The following TP53BP1 variants were observed in gnomAD, a reference collection of about 807,000 sequenced individuals.
TP53BP1 encodes TP53-binding protein 1.
TP53BP1 carries 61 observed loss-of-function variants against 200.8 expected under a neutral mutation model. The observed-to-expected ratio is 0.30, with a 90% CI of 0.25 to 0.38. The LOEUF is 0.38. Ranked by LOEUF, TP53BP1 falls within the 10% of genes least tolerant of loss-of-function variation. The pLI, the probability that TP53BP1 is intolerant of heterozygous loss-of-function variation, is 1.00. For synonymous variants in TP53BP1, 822 were observed against 844.3 expected, an observed-to-expected ratio of 0.97 and a Z score of 0.46; for missense variants, 2,144 against 2,371.9, an observed-to-expected ratio of 0.90 and a Z score of 2.00.
intron 14 of TP53BP1, among the ~76,000 whole-genome samples, chr15:43,444,494 T>C (rs938870001): frequency 1.3e-5 from 2 of 152,176 alleles, no homozygotes; most frequent in African/African-American, 4.8e-5. Flanking sequence ...GTTGCTAAGA[T>C]TCAAATCAGT....
Position 43,404,341 on chromosome 15 carries a change from C to T in TP53BP1, c.*3042G>A. 1 of 1,579,800 alleles carries T rather than the reference C, an allele frequency of 6.3e-7. No individual in the cohort carries two copies. The highest frequency in any genetic ancestry group is 8.6e-7 in the Non-Finnish European group (1 of 1,159,012). ...CAAGGCTTTTCCAAGAAACTCCTCC[C>T]TCCGCCCCCATCCTCCATATGGAGA... is the stretch of plus-strand genomic sequence containing the variant. On this transcript the variant is annotated 3_prime_UTR_variant, in exon 28 of 28. Transcript: ENST00000382044.
chr15:43,480,487 A>C (rs747533911), intron 5 of TP53BP1, among the ~76,000 whole-genome samples: 17 of 152,180 alleles, frequency 1.1e-4, no homozygotes, highest in Non-Finnish European at 8.8e-5. Flanking sequence ...TAAGTGCATT[A>C]AAGATGAAGG....
Position 43,415,590 on chromosome 15 carries a change from T to C in TP53BP1, c.5089+4A>G, listed in dbSNP as rs374987050. ...GGAAGAATGAGGCAAAAAGGAGCACTTACCAGGTTTTACTGTGGCAGACTT... is the reference window on the plus strand; with the variant it reads ...GGAAGAATGAGGCAAAAAGGAGCACCTACCAGGTTTTACTGTGGCAGACTT... On this transcript the variant is annotated splice_donor_region_variant and intron_variant, in intron 23 of 27. Coordinates refer to ENST00000382044, the MANE Select transcript of TP53BP1 (RefSeq NM_001141980.3). 3.8e-5 allele frequency: 61 copies of C among 1,614,012 alleles called. No individual in the cohort carries two copies. The African/African-American group carries it at 7.7e-4, about 20-fold the overall frequency.
In TP53BP1 at chr15:43,442,782, G is replaced by C. The variant is rs188217091; in HGVS notation, c.3041-1199C>G. 1.8e-3 allele frequency among the ~76,000 whole-genome samples: 271 copies of C among 147,940 alleles called. 1 individual carries two copies. Among genetic ancestry groups the C allele is most frequent in the African/African-American group, 4.4e-3 (177 of 39,970 alleles). On this transcript the variant is annotated intron_variant, in intron 14 of 27. Transcript: ENST00000382044. ...CAAAGTGTGCTGGGATTACACATAC[G>C]AGCTACGACACCTAGCCCTTAGCAG...
rs1200040261 is a variant in TP53BP1 at position 43,404,729 on chromosome 15, GTCA to G, written c.*2651_*2653del. ...TAATGGAGGTTATTTTCTAGTAGAA[GTCA>G]TCATCATCATAAAATACTAAAAAAC... On this transcript the variant is annotated 3_prime_UTR_variant, in exon 28 of 28. Coordinates refer to ENST00000382044, the MANE Select transcript of TP53BP1 (RefSeq NM_001141980.3). 2.2e-5 allele frequency: 15 copies of G among 683,096 alleles called. No individual in the cohort carries two copies. Among genetic ancestry groups the G allele is most frequent in the Non-Finnish European group, 3.1e-5 (13 of 423,608 alleles). The allele number at this position is 683,096 out of a possible 1,614,324, so 42.3% of individuals were successfully genotyped here. A position where few individuals can be genotyped will look rare whatever the true frequency, so the allele number is the denominator to read the frequency against.
intron 4 of TP53BP1, among the ~76,000 whole-genome samples, chr15:43,481,308 CAA>C (rs1258147902): frequency 6.6e-6 from 1 of 151,880 alleles, no homozygotes; most frequent in Non-Finnish European, 1.5e-5. Flanking sequence ...TGACAAGTGA[CAA>C]GAGAAGATAT....
chr15:43,421,701 A>G, intron 19 of TP53BP1, 154 bp downstream of exon 19: 1 of 1,155,144 alleles, frequency 8.7e-7, no homozygotes, highest in Non-Finnish European at 1.2e-6. Context: ...ACACAAACCC[A>G]AAACAGGAAG....
intron 4 of TP53BP1, among the ~76,000 whole-genome samples, chr15:43,485,963 C>A (rs2079041496): frequency 6.6e-6 from 1 of 152,156 alleles, no homozygotes; most frequent in African/African-American, 2.4e-5. Context: ...CTTTTCTCCA[C>A]TGTCTAAAGT....
chr15:43,461,693 C>G (rs970126698), intron 11 of TP53BP1, among the ~76,000 whole-genome samples: 3 of 149,164 alleles, frequency 2.0e-5, no homozygotes, highest in African/African-American at 4.9e-5. Flanking sequence ...TTTTGAGACA[C>G]AGTCTTGTTC....
At chr15:43,409,333 A>C (rs950648169) in intron 25 of TP53BP1, 2 of 585,726 alleles carry the variant, frequency 3.4e-6, no homozygotes, top group Non-Finnish European at 6.1e-6. Context: ...ACGGACAACC[A>C]AAACCTATGA....
At chr15:43,494,887 T>C (rs1028920585), upstream of TP53BP1, among the ~76,000 whole-genome samples, 1 of 152,222 alleles carries the variant, frequency 6.6e-6, no homozygotes, top group African/African-American at 2.4e-5. Flanking sequence ...TTGACAAGTG[T>C]GTTTGTCGAA....
chr15:43,428,173 G>C lies in TP53BP1; in HGVS notation c.3676-5C>G. 1 of 1,612,744 alleles carries C rather than the reference G, an allele frequency of 6.2e-7. No homozygotes were observed. The highest frequency in any genetic ancestry group is 8.5e-7 in the Non-Finnish European group (1 of 1,179,314). ...CATATCAAACTCTTCTTCTCCCTGT[G>C]ACAGAAAATACAGAACATAAGCACA... On this transcript the variant is annotated splice_polypyrimidine_tract_variant and splice_region_variant and intron_variant, in intron 17 of 27. Coordinates refer to ENST00000382044, the MANE Select transcript of TP53BP1 (RefSeq NM_001141980.3).
intron 1 of TP53BP1, among the ~76,000 whole-genome samples, chr15:43,505,350 G>C (rs2079230728): frequency 6.6e-6 from 1 of 152,152 alleles, no homozygotes; most frequent in Non-Finnish European, 1.5e-5. Flanking sequence ...CCACCACAAA[G>C]AAAATCCTTA....
chr15:43,426,937 G>A (rs1010113602), intron 18 of TP53BP1, among the ~76,000 whole-genome samples: 20 of 149,320 alleles, frequency 1.3e-4, no homozygotes, highest in African/African-American at 4.7e-4. Context: ...AAAATCACTT[G>A]AACCAGGAAG....
intron 11 of TP53BP1, among the ~76,000 whole-genome samples, chr15:43,458,036 ATAC>A (rs745998542): frequency 3.8e-4 from 57 of 151,826 alleles, no homozygotes; most frequent in Non-Finnish European, 6.6e-4. Flanking sequence ...AGTAATAATA[ATAC>A]TAATAATAAT....
upstream of TP53BP1, among the ~76,000 whole-genome samples, chr15:43,494,397 A>G (rs35958032): frequency 6.6e-6 from 1 of 152,066 alleles, no homozygotes; most frequent in Admixed American, 6.5e-5. Flanking sequence ...ACCAAATTCA[A>G]AGCATGTTGT....
chr15:43,423,146 C>T (rs1198227550), intron 18 of TP53BP1, among the ~76,000 whole-genome samples: 3 of 147,714 alleles, frequency 2.0e-5, no homozygotes, highest in African/African-American at 7.6e-5. Flanking sequence ...GCCTGGTGCT[C>T]AGTTTTAAGA....
At chr15:43,425,981 C>T (rs1027787944) in intron 18 of TP53BP1, among the ~76,000 whole-genome samples, 3 of 150,250 alleles carry the variant, frequency 2.0e-5, no homozygotes, top group Admixed American at 6.6e-5. Flanking sequence ...AGGAGAATGG[C>T]GTGAACCCAG....
At chr15:43,439,513 T>C (rs1320791205) in intron 15 of TP53BP1, among the ~76,000 whole-genome samples, 5 of 152,118 alleles carry the variant, frequency 3.3e-5, no homozygotes, top group African/African-American at 9.7e-5. Flanking sequence ...TGCAGCCTGG[T>C]TGACAAAGTG....
Sources: allele counts gnomAD v4.1 joint callset (sites outside exome capture counted in the v4.1 genomes callset), GRCh38; gene constraint gnomAD v4.1.1; transcripts MANE v1.5; gene names NCBI Gene and HGNC (gene_info 2026-07-23, HGNC 2026-07-21).